CDH12: variants seen among roughly 807,000 people sequenced by gnomAD.
CDH12 encodes cadherin 12.
A neutral mutation model predicts 74.1 loss-of-function variants in CDH12; 41 were observed. The ratio of observed to expected loss-of-function variants is 0.55; its 90% CI spans 0.43 to 0.72. CDH12 has a LOEUF of 0.72. Ranked by LOEUF, CDH12 falls within the 30% of genes least tolerant of loss-of-function variation. The probability of loss-of-function intolerance (pLI) is 0.00; values close to 1 mark genes in which losing one functional copy is unlikely to be tolerated. For synonymous variants in CDH12, 399 were observed against 355.0 expected (o/e 1.12, Z -1.39); for missense variants, 945 against 977.2 (o/e 0.97, Z 0.44).
intron 1 of CDH12, among the ~76,000 whole-genome samples, chr5:22,554,429 C>G (rs150588050): frequency 3.3e-5 from 5 of 152,198 alleles, no homozygotes; most frequent in Non-Finnish European, 7.4e-5. Flanking sequence ...TGAGAAATGT[C>G]TGTATCTTCT....
chr5:22,819,793 A>G (rs1474700831), intron 1 of CDH12, among the ~76,000 whole-genome samples: 1 of 151,150 alleles, frequency 6.6e-6, no homozygotes, highest in African/African-American at 2.4e-5. Flanking sequence ...GAAAAAACAG[A>G]AAACCAAAAT....
chr5:21,766,137 C>T (rs1417240481), intron 11 of CDH12, among the ~76,000 whole-genome samples: 1 of 151,958 alleles, frequency 6.6e-6, no homozygotes, highest in Non-Finnish European at 1.5e-5. Flanking sequence ...TCAAAGAATG[C>T]ATACAAAATC....
At chr5:21,938,623 C>A (rs1755177958) in intron 6 of CDH12, among the ~76,000 whole-genome samples, 1 of 148,020 alleles carries the variant, frequency 6.8e-6, no homozygotes, top group South Asian at 2.1e-4. Flanking sequence ...CTATGCATGA[C>A]CTGCTTCTTT....
At chr5:22,558,141 C>T (rs1360508468) in intron 1 of CDH12, among the ~76,000 whole-genome samples, 1 of 151,956 alleles carries the variant, frequency 6.6e-6, no homozygotes, top group African/African-American at 2.4e-5. Context: ...GGAGCCAGGA[C>T]CTAGTGCATA....
In CDH12 at chr5:21,843,357, T is replaced by C. The variant is rs555678822; in HGVS notation, c.647-1029A>G. ...TAGAATCCAAATCATAAACCCAACA[T>C]ACATCCTTGTTTTATCTGTACTTTC... On this transcript the variant is annotated intron_variant, in intron 7 of 14. Transcript: ENST00000382254. Among the ~76,000 whole-genome samples, 4 of 152,238 alleles carry C rather than the reference T, an allele frequency of 2.6e-5. No homozygotes were observed. In the East Asian group the frequency reaches 7.7e-4, roughly 29 times the overall value.
chr5:22,483,770 A>ATAT (rs1400461763), intron 2 of CDH12, among the ~76,000 whole-genome samples: 17 of 101,012 alleles, frequency 1.7e-4, no homozygotes, highest in Non-Finnish European at 2.9e-4. Context: ...ATATAAATTT[A>ATAT]ATTAATTGGG....
At chr5:22,176,168 T>C (rs180921575) in intron 4 of CDH12, among the ~76,000 whole-genome samples, 18,550 of 149,374 alleles carry the variant, frequency 0.12, 1,274 homozygotes, top group South Asian at 0.15. Flanking sequence ...GGTGTGAATG[T>C]CCATATCATC....
chr5:22,403,621 T>G (rs1158476993), intron 3 of CDH12, among the ~76,000 whole-genome samples: 1 of 152,118 alleles, frequency 6.6e-6, no homozygotes, highest in Non-Finnish European at 1.5e-5. Flanking sequence ...CAATGAAAGA[T>G]CACAGAGCAA....
chr5:21,894,814 C>T (rs1225533070), intron 6 of CDH12, among the ~76,000 whole-genome samples: 1 of 152,008 alleles, frequency 6.6e-6, no homozygotes, highest in East Asian at 1.9e-4. Context: ...TAACATTATC[C>T]TTTAGTAATA....
chr5:21,994,076 C>G (rs1736126581), intron 5 of CDH12, among the ~76,000 whole-genome samples: 1 of 151,338 alleles, frequency 6.6e-6, no homozygotes, highest in South Asian at 2.1e-4. Flanking sequence ...TACCTATCCT[C>G]TCTGTGAATA....
intron 3 of CDH12, among the ~76,000 whole-genome samples, chr5:22,335,584 CA>C (rs2150449263): frequency 6.8e-6 from 1 of 147,500 alleles, no homozygotes; most frequent in South Asian, 2.2e-4. Flanking sequence ...GACTCCATCT[CA>C]AAAGAAAAAA....
At chr5:21,842,077 G>T in intron 8 of CDH12, 84 bp downstream of exon 8, 1 of 1,000,618 alleles carries the variant, frequency 1.0e-6, no homozygotes, top group Non-Finnish European at 1.5e-6. Context: ...TCTGGAAAAT[G>T]ATTGTCATTC....
intron 1 of CDH12, among the ~76,000 whole-genome samples, chr5:22,618,578 C>T (rs1291848042): frequency 6.6e-6 from 1 of 152,056 alleles, no homozygotes; most frequent in Non-Finnish European, 1.5e-5. Context: ...CTGAATATCA[C>T]CCTAAGTATT....
intron 2 of CDH12, among the ~76,000 whole-genome samples, chr5:22,478,072 A>G (rs968290618): frequency 2.0e-5 from 3 of 152,254 alleles, no homozygotes; most frequent in African/African-American, 7.2e-5. Flanking sequence ...AACATGTTCT[A>G]AGCAAGGGAG....
chr5:21,808,869 G>C (rs1425077946), intron 9 of CDH12, among the ~76,000 whole-genome samples: 1 of 152,022 alleles, frequency 6.6e-6, no homozygotes, highest in Non-Finnish European at 1.5e-5. Context: ...AGGTGAGAAT[G>C]TCCCTGTAAC....
chr5:22,712,467 T>C (rs1427089562), intron 1 of CDH12, among the ~76,000 whole-genome samples: 1 of 130,806 alleles, frequency 7.6e-6, no homozygotes, highest in East Asian at 2.4e-4. Flanking sequence ...TAGAGGCCTT[T>C]TGGCTAGAAT....
At chr5:22,465,054 G>GA in intron 2 of CDH12, among the ~76,000 whole-genome samples, 1 of 129,268 alleles carries the variant, frequency 7.7e-6, no homozygotes, top group Middle Eastern at 3.8e-3. Context: ...GGGAGGAAGG[G>GA]AGGGGGGGAA....
rs199853159 is a variant in CDH12 at position 22,196,269 on chromosome 5, TGCGTGGCTGGGAATA to T, written c.-187+16214_-187+16228del. On this transcript the variant is annotated intron_variant, in intron 4 of 14. Transcript: ENST00000382254. ...AGGCGATTCTCTTGCCTCAGTCTCC[TGCGTGGCTGGGAATA>T]CAGGCACGCACTACCCCATCCAGCT... Among the ~76,000 whole-genome samples the T allele has an allele frequency of 9.0e-3, 1,360 of 151,782 alleles. 19 individuals carry two copies. The highest frequency in any genetic ancestry group is 0.032 in the African/African-American group (1,307 of 41,392).
At chr5:22,760,773 A>T (rs987523067) in intron 1 of CDH12, among the ~76,000 whole-genome samples, 6 of 151,818 alleles carry the variant, frequency 4.0e-5, no homozygotes, top group African/African-American at 1.5e-4. Flanking sequence ...GAAGAAGATT[A>T]TATTTTCAAA....
Sources: gnomAD v4.1 joint callset for allele counts (sites outside exome capture counted in the v4.1 genomes callset) on GRCh38, gnomAD v4.1.1 for gene constraint, MANE v1.5 for transcripts, NCBI Gene and HGNC (gene_info 2026-07-23, HGNC 2026-07-21) for gene names.